Variants in DCHS2 observed in about 807,000 individuals in gnomAD.
DCHS2 encodes the protein dachsous cadherin-related 2.
DCHS2 carries 142 observed loss-of-function variants against 182.4 expected under a neutral mutation model. That is an observed-to-expected ratio of 0.78 (90% CI 0.68 to 0.89). The LOEUF (loss-of-function observed/expected upper bound fraction) is 0.89. Among genes scored for constraint, DCHS2 ranks in the 40% least tolerant of loss-of-function variants. DCHS2 has a pLI of 0.00. For synonymous variants in DCHS2, 1,740 were observed against 1,663.3 expected (o/e 1.05, Z -1.12); for missense variants, 4,319 against 4,198.6 (o/e 1.03, Z -0.79).
At chr4:154,239,474 G>A (rs1490936150) in intron 18 of DCHS2, among the ~76,000 whole-genome samples, 172 bp from the exon 19 acceptor site, 5 of 152,158 alleles carry the variant, frequency 3.3e-5, no homozygotes, top group Admixed American at 3.3e-4. Context: ...AAAAGATTGT[G>A]TGAATAGTCC....
chr4:154,490,754 G>C lies in DCHS2; in HGVS notation c.602C>G (p.Thr201Ser), dbSNP rs776060407. The change falls in exon 1 of 20, where the codon ACT (threonine) becomes AGT (serine). Residue 201 changes from threonine (T) to serine (S), a missense_variant. Transcript: ENST00000357232. ...CGGTTGCACCAGGGTGTAGCCCTGA[G>C]TGCTGAACAGTCCGGCGTCCGGATC... ...AHDPDAGLFS[T>S]QGYTLVQPSD... The C allele has an allele frequency of 6.4e-7, 1 of 1,551,632 alleles. No homozygotes were observed. Among genetic ancestry groups the C allele is most frequent in the South Asian group, 1.2e-5 (1 of 84,062 alleles).
chr4:154,435,425 A>G (rs1481722139), intron 1 of DCHS2, among the ~76,000 whole-genome samples: 1 of 151,832 alleles, frequency 6.6e-6, no homozygotes, highest in Non-Finnish European at 1.5e-5. Flanking sequence ...TGAAACCCCA[A>G]CTCTACTAAA....
At chr4:154,365,969 A>T (rs955453481) in intron 3 of DCHS2, among the ~76,000 whole-genome samples, 16 of 152,092 alleles carry the variant, frequency 1.1e-4, no homozygotes, top group Admixed American at 9.8e-4. Flanking sequence ...TAAGGTAAGG[A>T]CAGTGAGGCC....
chr4:154,400,302 C>A (rs866720722), intron 1 of DCHS2, among the ~76,000 whole-genome samples: 255 of 91,252 alleles, frequency 2.8e-3, no homozygotes, highest in Middle Eastern at 6.8e-3. Flanking sequence ...GACTTCGTCT[C>A]AAAAAAAAAA....
rs866740842 is a variant in DCHS2, at chr4:154,276,161, C to T, written c.6464-6148G>A. ...TATAGATGAAACTTACTATTCATTTCACATTATCAAGGTAGAAAGGGTAAG... is the reference window on the plus strand; with the variant it reads ...TATAGATGAAACTTACTATTCATTTTACATTATCAAGGTAGAAAGGGTAAG... On this transcript the variant is annotated intron_variant, in intron 13 of 19. Coordinates refer to ENST00000357232, the MANE Select transcript of DCHS2 (RefSeq NM_001358235.2). Among the ~76,000 whole-genome samples the T allele has an allele frequency of 5.3e-5, 8 of 152,226 alleles. No individual in the cohort carries two copies. The South Asian group carries it at 1.7e-3, about 32-fold the overall frequency.
At chr4:154,318,880 C>T (rs1735952825) in intron 9 of DCHS2, among the ~76,000 whole-genome samples, 1 of 151,862 alleles carries the variant, frequency 6.6e-6, no homozygotes, top group African/African-American at 2.4e-5. Flanking sequence ...CTCAAAGAAC[C>T]CCAAAGAGTG....
intron 1 of DCHS2, among the ~76,000 whole-genome samples, chr4:154,451,303 G>A (rs2110976951): frequency 6.6e-6 from 1 of 152,310 alleles, no homozygotes; most frequent in Admixed American, 6.5e-5. Flanking sequence ...TCTCCCTTTT[G>A]AGAAATAGCC....
At chr4:154,366,098 C>G in intron 3 of DCHS2, 112 bp downstream of exon 3, 2 of 750,602 alleles carry the variant, frequency 2.7e-6, no homozygotes, top group Admixed American at 2.3e-5. Flanking sequence ...TAAGTGAGTC[C>G]TGCAACACCC....
At chr4:154,375,707 A>G (rs1298955883) in intron 2 of DCHS2, among the ~76,000 whole-genome samples, 1 of 152,182 alleles carries the variant, frequency 6.6e-6, no homozygotes, top group Non-Finnish European at 1.5e-5. Flanking sequence ...GTAGCAAATG[A>G]AATTTTCATA....
At position 154,400,922 on chromosome 4, in the gene DCHS2, C is replaced by T. The variant is rs927819189; in HGVS notation, c.2053-23478G>A. 2.0e-5 allele frequency among the ~76,000 whole-genome samples: 3 copies of T among 152,312 alleles called. No individual in the cohort carries two copies. In the East Asian group the frequency reaches 5.8e-4, roughly 29 times the overall value. ...CAGCCAAGCCTTTTCTCATCACTTT[C>T]ATTGCAGTAAATTTATATTCAGAGT... On this transcript the variant is annotated intron_variant, in intron 1 of 19. Transcript: ENST00000357232.
chr4:154,305,501 T>G (rs1051492265), intron 10 of DCHS2, among the ~76,000 whole-genome samples: 7 of 152,194 alleles, frequency 4.6e-5, no homozygotes, highest in Non-Finnish European at 8.8e-5. Context: ...AAAAATTTCT[T>G]ATGAGTGTGC....
intron 1 of DCHS2, among the ~76,000 whole-genome samples, chr4:154,449,922 A>T (rs1281486252): frequency 1.3e-4 from 20 of 152,236 alleles, no homozygotes; most frequent in Admixed American, 1.3e-3. Flanking sequence ...TGAGCATCAC[A>T]TCCTTTCCTC....
intron 2 of DCHS2, among the ~76,000 whole-genome samples, chr4:154,368,278 C>T (rs1256588295): frequency 1.3e-5 from 2 of 152,178 alleles, no homozygotes; most frequent in African/African-American, 2.4e-5. Flanking sequence ...CTGCTCGAAA[C>T]TGCCTTTCTT....
intron 16 of DCHS2, 130 bp downstream of exon 16, chr4:154,255,389 A>C: frequency 7.9e-7 from 1 of 1,264,748 alleles, no homozygotes; most frequent in Non-Finnish European, 1.0e-6. Flanking sequence ...AGAGAATATC[A>C]ACAAGTTGGA....
intron 1 of DCHS2, among the ~76,000 whole-genome samples, chr4:154,485,088 A>T (rs1468900216): frequency 7.5e-6 from 1 of 132,520 alleles, no homozygotes; most frequent in Non-Finnish European, 1.6e-5. Flanking sequence ...CCTTACATCC[A>T]TGTGGTGTTA....
chr4:154,413,901 A>T (rs1157227264), intron 1 of DCHS2, among the ~76,000 whole-genome samples: 2 of 152,182 alleles, frequency 1.3e-5, no homozygotes, highest in African/African-American at 4.8e-5. Flanking sequence ...CTTTTCTTAA[A>T]TTATACTAAT....
In DCHS2 at chr4:154,491,280, G is replaced by T. The variant is rs1177362935; in HGVS notation, c.76C>A (p.Pro26Thr). The change falls in exon 1 of 20, where the codon CCC (proline) becomes ACC (threonine). Residue 26 changes from proline to threonine, a missense_variant. Transcript: ENST00000357232. ...RAPVGKLLLL[P>T]GRRDTPHGRS... is the part of the protein sequence containing the mutation. Reference sequence around the variant, plus strand: ...CCATGGGGTGTATCTCTCCTCCCGGGGAGCAGAAGGAGCTTCCCGACCGGA... The same window carrying T: ...CCATGGGGTGTATCTCTCCTCCCGGTGAGCAGAAGGAGCTTCCCGACCGGA... 1 of 1,549,752 alleles carries T rather than the reference G, an allele frequency of 6.5e-7. No homozygotes were observed. The highest frequency in any genetic ancestry group is 2.0e-5 in the Admixed American group (1 of 50,926).
chr4:154,421,847 C>G (rs7693243), intron 1 of DCHS2, among the ~76,000 whole-genome samples: 2 of 152,302 alleles, frequency 1.3e-5, no homozygotes, highest in African/African-American at 4.8e-5. Flanking sequence ...TATTTTCTCA[C>G]TTCTCACTTC....
chr4:154,255,405 G>T, intron 16 of DCHS2, 114 bp downstream of exon 16: 2 of 1,347,054 alleles, frequency 1.5e-6, no homozygotes. Flanking sequence ...TTGGATCAAA[G>T]GGATAACACA....
Sources: allele counts gnomAD v4.1 joint callset (sites outside exome capture counted in the v4.1 genomes callset), GRCh38; gene constraint gnomAD v4.1.1; transcripts MANE v1.5; gene names NCBI Gene and HGNC (gene_info 2026-07-23, HGNC 2026-07-21).